MC2R: variants seen among roughly 807,000 people sequenced by gnomAD.
MC2R encodes the protein adrenocorticotropic hormone receptor.
Under a neutral mutation model 9.8 loss-of-function variants are expected in MC2R, and 9 were observed. The observed-to-expected ratio is 0.92, with a 90% CI of 0.55 to 1.60. The LOEUF (loss-of-function observed/expected upper bound fraction) is 1.60, where lower values mean the gene tolerates loss of function less well. Ranked by LOEUF, MC2R falls within the 40% of genes most tolerant of loss-of-function variation. The probability of loss-of-function intolerance (pLI) is 0.00; values close to 1 mark genes in which losing one functional copy is unlikely to be tolerated. For synonymous variants in MC2R, 185 were observed against 154.7 expected (o/e 1.20, Z -1.45); for missense variants, 370 against 389.0 (o/e 0.95, Z 0.41).
chr18:13,914,155 T>G (rs1459620717), intron 1 of MC2R, among the ~76,000 whole-genome samples: 1 of 151,932 alleles, frequency 6.6e-6, no homozygotes, highest in Non-Finnish European at 1.5e-5. Flanking sequence ...AGATTCAGGA[T>G]CCACTGAGAA....
chr18:13,882,872 T>C lies in MC2R; in HGVS notation c.*1753A>G, dbSNP rs1332847028. 3 of 152,196 alleles carry C rather than the reference T, an allele frequency of 2.0e-5. No individual in the cohort carries two copies. Among genetic ancestry groups the C allele is most frequent in the Admixed American group, 6.5e-5 (1 of 15,288 alleles). 9.4% of individuals were successfully genotyped at this position (152,196 alleles called of 1,614,324 possible). A position where few individuals can be genotyped will look rare whatever the true frequency, so the allele number is the denominator to read the frequency against. On this transcript the variant is annotated 3_prime_UTR_variant, in exon 2 of 2. Coordinates refer to ENST00000327606, the MANE Select transcript of MC2R (RefSeq NM_000529.2). ...TCATATATTAATTAATACAGGTTAGTATTAGAGTAACATAGTTCATTTGGC... is the reference window on the plus strand; with the variant it reads ...TCATATATTAATTAATACAGGTTAGCATTAGAGTAACATAGTTCATTTGGC...
intron 1 of MC2R, among the ~76,000 whole-genome samples, chr18:13,900,655 AG>A (rs1305042736): frequency 1.3e-5 from 2 of 152,176 alleles, no homozygotes; most frequent in Non-Finnish European, 2.9e-5. Flanking sequence ...GAGACAAAGA[AG>A]GTCACTACAT....
At chr18:13,914,653 T>G (rs1453104706) in intron 1 of MC2R, among the ~76,000 whole-genome samples, 1 of 152,180 alleles carries the variant, frequency 6.6e-6, no homozygotes, top group Non-Finnish European at 1.5e-5. Flanking sequence ...TGTGTATATG[T>G]GTGTGTATGA....
intron 1 of MC2R, among the ~76,000 whole-genome samples, chr18:13,895,250 T>A (rs9961110): frequency 1.3e-5 from 2 of 152,018 alleles, no homozygotes; most frequent in Non-Finnish European, 2.9e-5. Flanking sequence ...TCATCATATA[T>A]CAGAGCTTAC....
In MC2R at chr18:13,884,458, C is replaced by T. The variant is rs979433783; in HGVS notation, c.*167G>A. On this transcript the variant is annotated 3_prime_UTR_variant, in exon 2 of 2. Transcript: ENST00000327606. The stretch of plus-strand genomic sequence containing the variant: ...TTAAGAGGTTGCCCCTACAATAAGA[C>T]TGTTCACATAGAACCTAGCTATTAG... 3 of 742,112 alleles carry T rather than the reference C, an allele frequency of 4.0e-6. No homozygotes were observed. Among genetic ancestry groups the T allele is most frequent in the South Asian group, 1.5e-5 (1 of 64,628 alleles). 46.0% of individuals were successfully genotyped at this position (742,112 alleles called of 1,614,324 possible).
At chr18:13,912,968 G>C (rs1207754550) in intron 1 of MC2R, among the ~76,000 whole-genome samples, 1 of 152,052 alleles carries the variant, frequency 6.6e-6, no homozygotes, top group Non-Finnish European at 1.5e-5. Context: ...AGCATCTCTC[G>C]GTGTGATCAT....
intron 1 of MC2R, among the ~76,000 whole-genome samples, chr18:13,901,299 T>G (rs762980967): frequency 6.6e-6 from 1 of 151,486 alleles, no homozygotes; most frequent in Non-Finnish European, 1.5e-5. Context: ...GAGGGAATGT[T>G]CCAAATAAAC....
chr18:13,889,076 G>C lies in MC2R; in HGVS notation c.-128-3430C>G, dbSNP rs1210450034. On this transcript the variant is annotated intron_variant, in intron 1 of 1. Coordinates refer to ENST00000327606, the MANE Select transcript of MC2R (RefSeq NM_000529.2). ...CTTCAATTCCATGCTGCTTTCCTCT[G>C]TCCATACCCTATTGAAACCTGTCTC... is the stretch of plus-strand genomic sequence containing the variant. 3.3e-5 allele frequency among the ~76,000 whole-genome samples: 5 copies of C among 152,142 alleles called. No homozygotes were observed. The East Asian group carries it at 9.6e-4, about 29-fold the overall frequency.
chr18:13,905,601 T>A (rs2045409352), intron 1 of MC2R, among the ~76,000 whole-genome samples: 1 of 152,142 alleles, frequency 6.6e-6, no homozygotes, highest in African/African-American at 2.4e-5. Context: ...AAACAATAGA[T>A]GCTGGCAAGG....
At chr18:13,885,746 A>C in intron 1 of MC2R, 100 bp from the exon 2 acceptor site, 1 of 548,580 alleles carries the variant, frequency 1.8e-6, no homozygotes, top group Non-Finnish European at 3.3e-6. Context: ...ATAAAATATA[A>C]AGAAATCAGT....
chr18:13,884,923 A>T lies in MC2R; in HGVS notation c.596T>A (p.Leu199Gln), dbSNP rs1427230873. The change falls in exon 2 of 2, where the codon CTG (leucine) becomes CAG (glutamine). Residue 199 changes from leucine (L) to glutamine (Q), a missense_variant. Coordinates refer to ENST00000327606, the MANE Select transcript of MC2R (RefSeq NM_000529.2). ...ILCLYVHMFL[L>Q]ARSHTRKIST... ...GATCTTCCTGGTGTGGGATCGAGCC[A>T]GCAGGAACATGTGCACATAGAGGCA... The T allele has an allele frequency of 6.2e-7, 1 of 1,614,124 alleles. No homozygotes were observed. Among genetic ancestry groups the T allele is most frequent in the South Asian group, 1.1e-5 (1 of 91,070 alleles).
chr18:13,898,192 A>G (rs2045357793), intron 1 of MC2R, among the ~76,000 whole-genome samples: 1 of 152,140 alleles, frequency 6.6e-6, no homozygotes, highest in African/African-American at 2.4e-5. Flanking sequence ...CCACAACCTG[A>G]CTGAAGAGCG....
At chr18:13,909,714 T>G (rs1486507254) in intron 1 of MC2R, among the ~76,000 whole-genome samples, 1 of 152,242 alleles carries the variant, frequency 6.6e-6, no homozygotes, top group East Asian at 1.9e-4. Flanking sequence ...ACCTGTGTCC[T>G]GTGCCAGACC....
At chr18:13,907,231 G>A (rs1033749202) in intron 1 of MC2R, among the ~76,000 whole-genome samples, 3 of 152,062 alleles carry the variant, frequency 2.0e-5, no homozygotes, top group South Asian at 2.1e-4. Flanking sequence ...ATTTGCAGTC[G>A]ACTCACCTTC....
intron 1 of MC2R, among the ~76,000 whole-genome samples, chr18:13,912,145 C>T (rs1430621980): frequency 6.6e-6 from 1 of 152,194 alleles, no homozygotes; most frequent in Non-Finnish European, 1.5e-5. Flanking sequence ...TCAGCACATC[C>T]TTACAATTCT....
At chr18:13,894,653 G>A (rs991840451) in intron 1 of MC2R, among the ~76,000 whole-genome samples, 1 of 152,200 alleles carries the variant, frequency 6.6e-6, no homozygotes, top group African/African-American at 2.4e-5. Context: ...TTACAGCTCT[G>A]TACAATCTGT....
At chr18:13,905,279 A>G (rs1171877290) in intron 1 of MC2R, among the ~76,000 whole-genome samples, 1 of 152,254 alleles carries the variant, frequency 6.6e-6, no homozygotes, top group African/African-American at 2.4e-5. Flanking sequence ...AACAAATGAA[A>G]AAAAGCTACC....
chr18:13,911,587 C>T lies in MC2R; in HGVS notation c.-129+3901G>A, dbSNP rs148088110. On this transcript the variant is annotated intron_variant, in intron 1 of 1. Transcript: ENST00000327606. Reference sequence around the variant, plus strand: ...ATTCGCCCCACCTTTAAAAAGTGGCCGAGTCCAGCCCAATCAGACCCCAGG... The same window carrying T: ...ATTCGCCCCACCTTTAAAAAGTGGCTGAGTCCAGCCCAATCAGACCCCAGG... Among the ~76,000 whole-genome samples, 1,184 of 152,210 alleles carry T rather than the reference C, an allele frequency of 7.8e-3. 7 individuals carry two copies. Among genetic ancestry groups the T allele is most frequent in the Middle Eastern group, 0.024 (7 of 294 alleles).
chr18:13,904,523 A>T (rs1019987722), intron 1 of MC2R, among the ~76,000 whole-genome samples: 2 of 151,774 alleles, frequency 1.3e-5, no homozygotes, highest in Non-Finnish European at 2.9e-5. Flanking sequence ...ACTTTCGTTC[A>T]ATATAATCCT....
Sources: gnomAD v4.1 joint callset for allele counts (sites outside exome capture counted in the v4.1 genomes callset) on GRCh38, gnomAD v4.1.1 for gene constraint, MANE v1.5 for transcripts, NCBI Gene and HGNC (gene_info 2026-07-23, HGNC 2026-07-21) for gene names.